Variants in RBFOX1 observed in about 807,000 individuals in gnomAD.
RBFOX1 encodes RNA binding fox-1 homolog 1, also known as RNA binding protein fox-1 homolog 1.
A neutral mutation model predicts 57.7 loss-of-function variants in RBFOX1; 8 were observed. That is an observed-to-expected ratio of 0.14 (90% CI 0.08 to 0.25). The LOEUF (loss-of-function observed/expected upper bound fraction) is 0.25. RBFOX1 is among the 10% of genes least tolerant of loss of function. RBFOX1 has a pLI of 1.00. For synonymous variants in RBFOX1, 326 were observed against 222.4 expected, an observed-to-expected ratio of 1.47 and a Z score of -4.15; for missense variants, 611 against 548.5, an observed-to-expected ratio of 1.11 and a Z score of -1.14.
chr16:5,735,163 G>C (rs2052526852), intron 3 of RBFOX1, among the ~76,000 whole-genome samples: 1 of 152,110 alleles, frequency 6.6e-6, no homozygotes, highest in South Asian at 2.1e-4. Context: ...ATTACCCCTG[G>C]CTAGGAAATA....
rs962269977 is a variant in RBFOX1 at position 6,190,060 on chromosome 16, G to A, written c.-126-126935G>A. Among the ~76,000 whole-genome samples the A allele has an allele frequency of 5.9e-5, 9 of 152,170 alleles. No individual in the cohort carries two copies. The South Asian group carries it at 1.4e-3, about 25-fold the overall frequency. ...TGAAGTTATCTATGTTTGTATATGT[G>A]TGAATTCAGGTGTGCAGTTTTATTA... On this transcript the variant is annotated intron_variant, in intron 1 of 15. Coordinates refer to ENST00000550418, the MANE Select transcript of RBFOX1 (RefSeq NM_018723.4).
In RBFOX1 at chr16:6,227,041, T is replaced by C. The variant is rs568850561; in HGVS notation, c.-126-89954T>C. ...TGGGAGGCTGAGGCAGGATAATCGC[T>C]TGAATCTGGGAGGCAGAGGTTGCAG... On this transcript the variant is annotated intron_variant, in intron 1 of 15. Transcript: ENST00000550418. Among the ~76,000 whole-genome samples the C allele has an allele frequency of 5.3e-5, 8 of 151,962 alleles. No homozygotes were observed. In the East Asian group the frequency reaches 1.6e-3, roughly 29 times the overall value.
chr16:7,036,277 A>G (rs1301874238), intron 3 of RBFOX1, among the ~76,000 whole-genome samples: 4 of 151,528 alleles, frequency 2.6e-5, no homozygotes, highest in Non-Finnish European at 2.9e-5. Context: ...CAATGTGTAG[A>G]TGTGGATTTA....
At chr16:7,035,260 G>C (rs2044056429) in intron 3 of RBFOX1, among the ~76,000 whole-genome samples, 1 of 151,986 alleles carries the variant, frequency 6.6e-6, no homozygotes, top group South Asian at 2.1e-4. Context: ...ACTGTACTTG[G>C]GATTCCGCAC....
chr16:6,356,251 G>A lies in RBFOX1; in HGVS notation c.-64+39194G>A, dbSNP rs138336329. On this transcript the variant is annotated intron_variant, in intron 2 of 15. Transcript: ENST00000550418. ...TACAGCATGGAGAAGGGAAGGAAAG[G>A]GAGCAATGTTGCAGGGGCAAAAACC... is the stretch of plus-strand genomic sequence containing the variant. Among the ~76,000 whole-genome samples, 249 of 152,250 alleles carry A rather than the reference G, an allele frequency of 1.6e-3. 4 individuals are homozygous for A. Among genetic ancestry groups the A allele is most frequent in the African/African-American group, 5.7e-3 (237 of 41,552 alleles).
chr16:6,577,648 C>T (rs780900177), intron 2 of RBFOX1, among the ~76,000 whole-genome samples: 6 of 152,188 alleles, frequency 3.9e-5, no homozygotes, highest in Non-Finnish European at 7.3e-5. Flanking sequence ...TAGGAACCCA[C>T]CATGTCAATA....
At chr16:5,419,730 A>T (rs55857743) in intron 1 of RBFOX1, among the ~76,000 whole-genome samples, 2 of 151,826 alleles carry the variant, frequency 1.3e-5, no homozygotes, top group African/African-American at 4.8e-5. Context: ...TGAACACAAA[A>T]GACCTGAAAG....
intron 4 of RBFOX1, among the ~76,000 whole-genome samples, chr16:7,352,772 G>T (rs1401976536): frequency 6.6e-6 from 1 of 152,134 alleles, no homozygotes; most frequent in South Asian, 2.1e-4. Flanking sequence ...CTGGAGTGCA[G>T]TGGTGCGATC....
chr16:6,697,014 A>G (rs1327073637), intron 3 of RBFOX1, among the ~76,000 whole-genome samples: 5 of 152,188 alleles, frequency 3.3e-5, no homozygotes, highest in African/African-American at 9.7e-5. Flanking sequence ...AAACTTCCAT[A>G]AAGAAAAGCT....
At chr16:6,834,188 C>G (rs1022147541) in intron 3 of RBFOX1, among the ~76,000 whole-genome samples, 35 of 152,078 alleles carry the variant, frequency 2.3e-4, no homozygotes, top group African/African-American at 8.5e-4. Context: ...ATTGTCCTGC[C>G]TCAGCCTCCC....
In RBFOX1 at chr16:7,091,044, C is replaced by G. The variant is rs543996096; in HGVS notation, c.27+38946C>G. On this transcript the variant is annotated intron_variant, in intron 4 of 15. Transcript: ENST00000550418. ...ATTCACAAACAGGATACAAATTCCT[C>G]TGCCACTCAAGTCTTGGACCAAATG... 5.3e-4 allele frequency among the ~76,000 whole-genome samples: 80 copies of G among 152,300 alleles called. 1 individual carries two copies. The Middle Eastern group carries it at 0.01, about 19-fold the overall frequency.
At chr16:5,368,592 G>A (rs924762135) in intron 1 of RBFOX1, among the ~76,000 whole-genome samples, 2 of 152,184 alleles carry the variant, frequency 1.3e-5, no homozygotes, top group East Asian at 3.8e-4. Flanking sequence ...TTAACAAGCT[G>A]CACTACACGG....
chr16:5,366,023 G>A (rs775632444), intron 1 of RBFOX1: 2 of 493,936 alleles, frequency 4.0e-6, no homozygotes, highest in East Asian at 5.3e-5. Context: ...AGTAACACTG[G>A]CAGCTTTGAA....
rs192415916 is a variant in RBFOX1, at chr16:5,950,723, A to C, written c.351+83388A>C. Among the ~76,000 whole-genome samples the C allele has an allele frequency of 6.6e-5, 10 of 152,312 alleles. No homozygotes were observed. The East Asian group carries it at 1.9e-3, about 29-fold the overall frequency. On this transcript the variant is annotated intron_variant, in intron 4 of 19. Coordinates refer to the RBFOX1 transcript ENST00000641259. ...TCCAGCAAACATTTATCAGGCACCT[A>C]CTGGGTACTCATTTCAGGGCTGGGA...
At chr16:5,796,479 G>A (rs1026637207) in intron 3 of RBFOX1, among the ~76,000 whole-genome samples, 34 of 152,132 alleles carry the variant, frequency 2.2e-4, no homozygotes, top group African/African-American at 8.0e-4. Context: ...AGTGGTGGTG[G>A]CATCATAGAT....
chr16:7,646,061 A>AT (rs201713334), intron 11 of RBFOX1, among the ~76,000 whole-genome samples: 2,284 of 152,218 alleles, frequency 0.015, 68 homozygotes, highest in African/African-American at 0.052. Context: ...TCATGTTAAA[A>AT]TTTTAATTTA....
At chr16:6,579,545 C>G (rs934689457) in intron 2 of RBFOX1, among the ~76,000 whole-genome samples, 7 of 152,114 alleles carry the variant, frequency 4.6e-5, no homozygotes, top group African/African-American at 1.7e-4. Flanking sequence ...TTGTAACGGG[C>G]TTTTCCTCCT....
At chr16:5,557,518 G>A (rs1049531659) in intron 2 of RBFOX1, among the ~76,000 whole-genome samples, 1 of 152,100 alleles carries the variant, frequency 6.6e-6, no homozygotes, top group Non-Finnish European at 1.5e-5. Context: ...TATCAGAGGG[G>A]TGACTGTGAT....
chr16:6,236,193 T>C lies in RBFOX1; in HGVS notation c.-126-80802T>C, dbSNP rs1592454. Among the ~76,000 whole-genome samples the C allele has an allele frequency of 6.1e-3, 935 of 152,294 alleles. 11 individuals are homozygous for C. Among genetic ancestry groups the C allele is most frequent in the African/African-American group, 0.021 (858 of 41,554 alleles). On this transcript the variant is annotated intron_variant, in intron 1 of 15. Transcript: ENST00000550418. ...CATCTGACTTTTACTGAGCTCAGTA[T>C]GCCTTTGTTGTTGAAAGAGCAAGCT...
Sources: gnomAD v4.1 joint callset for allele counts (sites outside exome capture counted in the v4.1 genomes callset) on GRCh38, gnomAD v4.1.1 for gene constraint, MANE v1.5 for transcripts, NCBI Gene and HGNC (gene_info 2026-07-23, HGNC 2026-07-21) for gene names.